DAB1: variants seen among roughly 807,000 people sequenced by gnomAD.
The protein encoded by DAB1 is disabled homolog 1.
A neutral mutation model predicts 64.6 loss-of-function variants in DAB1; 15 were observed. The observed-to-expected ratio is 0.23, with a 90% confidence interval of 0.16 to 0.36. DAB1 has a LOEUF of 0.36. DAB1 is among the 10% of genes least tolerant of loss of function. The pLI is 1.00. For synonymous variants in DAB1, 235 were observed against 251.9 expected (o/e 0.93, Z 0.64); for missense variants, 596 against 706.7 (o/e 0.84, Z 1.78).
chr1:58,370,137 C>A (rs1163246534), intron 3 of DAB1, among the ~76,000 whole-genome samples: 1 of 152,056 alleles, frequency 6.6e-6, no homozygotes, highest in African/African-American at 2.4e-5. Flanking sequence ...AAAGCAAAAA[C>A]TAGGAGCACT....
intron 5 of DAB1, among the ~76,000 whole-genome samples, chr1:58,149,746 T>C (rs1275868523): frequency 1.3e-5 from 2 of 152,180 alleles, no homozygotes; most frequent in African/African-American, 4.8e-5. Context: ...CACAAAGCCT[T>C]CTTCTCTGCT....
intron 1 of DAB1, among the ~76,000 whole-genome samples, chr1:57,402,453 T>C (rs1414731325): frequency 2.0e-5 from 3 of 152,180 alleles, no homozygotes; most frequent in African/African-American, 7.2e-5. Context: ...GTGAGTCCTT[T>C]TTTGTAATTA....
At chr1:57,998,281 A>C (rs951772252) in intron 5 of DAB1, among the ~76,000 whole-genome samples, 1 of 152,162 alleles carries the variant, frequency 6.6e-6, no homozygotes, top group Non-Finnish European at 1.5e-5. Context: ...CAGCTCCCTC[A>C]GCTGTAAGCT....
chr1:57,904,694 G>A (rs995900972), intron 5 of DAB1, among the ~76,000 whole-genome samples: 7 of 152,146 alleles, frequency 4.6e-5, no homozygotes, highest in Non-Finnish European at 1.0e-4. Context: ...GCCAGGCAGA[G>A]GGAAGAACAA....
chr1:57,064,393 T>C (rs1460815785), intron 8 of DAB1, among the ~76,000 whole-genome samples: 1 of 152,206 alleles, frequency 6.6e-6, no homozygotes, highest in Non-Finnish European at 1.5e-5. Context: ...TGAGCTAACA[T>C]GGACTGGGTG....
rs562299306 is a variant in DAB1 at position 58,035,202 on chromosome 1, C to T, written n.387+115309G>A. On this transcript the variant is annotated intron_variant and non_coding_transcript_variant, in intron 5 of 20. Coordinates refer to the DAB1 transcript ENST00000485760. ...GCCAACACCTAGTAGTTCCTGCCAC[C>T]CCAGCTGCAGCACCAGCCAAGTGAA... Among the ~76,000 whole-genome samples the T allele has an allele frequency of 2.9e-4, 44 of 152,264 alleles. 1 individual carries two copies. In the East Asian group the frequency reaches 7.9e-3, roughly 27 times the overall value.
chr1:57,262,177 A>T (rs1670230826), intron 2 of DAB1, among the ~76,000 whole-genome samples: 1 of 152,166 alleles, frequency 6.6e-6, no homozygotes, highest in Non-Finnish European at 1.5e-5. Flanking sequence ...AATACCACGA[A>T]CCACTCTCGT....
chr1:58,085,956 C>G (rs897426810), intron 5 of DAB1, among the ~76,000 whole-genome samples: 2 of 121,042 alleles, frequency 1.7e-5, no homozygotes, highest in South Asian at 6.8e-4. Flanking sequence ...TGATCTCTCT[C>G]TCTTTTTTTT....
At chr1:58,225,417 A>T (rs935608912) in intron 4 of DAB1, among the ~76,000 whole-genome samples, 1 of 151,914 alleles carries the variant, frequency 6.6e-6, no homozygotes, top group African/African-American at 2.4e-5. Context: ...TTCCTCAGGG[A>T]TCTAGAACTA....
In DAB1 at chr1:58,126,588, T is replaced by C. The variant is rs565149363; in HGVS notation, n.387+23923A>G. Reference sequence around the variant, plus strand: ...GTCATCTAGCATTAGGTATATCTCCTGATGCTATCCCTCCCCCCCTACCCC... The same window carrying C: ...GTCATCTAGCATTAGGTATATCTCCCGATGCTATCCCTCCCCCCCTACCCC... On this transcript the variant is annotated intron_variant and non_coding_transcript_variant, in intron 5 of 20. Coordinates refer to the DAB1 transcript ENST00000485760. Among the ~76,000 whole-genome samples, 116 of 151,716 alleles carry C rather than the reference T, an allele frequency of 7.6e-4. 1 individual carries two copies. In the Middle Eastern group the frequency reaches 0.01, roughly 13 times the overall value.
intron 9 of DAB1, among the ~76,000 whole-genome samples, chr1:57,038,742 C>A (rs1647326688): frequency 6.6e-6 from 1 of 152,160 alleles, no homozygotes; most frequent in Non-Finnish European, 1.5e-5. Flanking sequence ...TCCACAAATC[C>A]TTGGACAACA....
At position 57,057,425 on chromosome 1, in the gene DAB1, A is replaced by G. The variant is rs190634050; in HGVS notation, c.723+5459T>C. Reference sequence around the variant, plus strand: ...TTGAGAAATGGACTATGTAACTACCATCTCTAATTGCATATTATCTGAGAC... The same window carrying G: ...TTGAGAAATGGACTATGTAACTACCGTCTCTAATTGCATATTATCTGAGAC... On this transcript the variant is annotated intron_variant, in intron 9 of 14. Transcript: ENST00000371236. Among the ~76,000 whole-genome samples, 131 of 152,250 alleles carry G rather than the reference A, an allele frequency of 8.6e-4. 1 individual carries two copies. The highest frequency in any genetic ancestry group is 2.4e-3 in the African/African-American group (100 of 41,542).
At chr1:57,649,571 C>G (rs1328607104) in intron 7 of DAB1, 3 of 152,144 alleles carry the variant, frequency 2.0e-5, no homozygotes, top group African/African-American at 7.2e-5. Context: ...CAACGATACC[C>G]AGCCAGACTC....
At chr1:57,917,044 G>A (rs1400436997) in intron 5 of DAB1, among the ~76,000 whole-genome samples, 1 of 152,170 alleles carries the variant, frequency 6.6e-6, no homozygotes, top group Non-Finnish European at 1.5e-5. Context: ...CAGTTCCCAT[G>A]TGAACATTTC....
At chr1:57,049,944 G>C (rs982821779) in intron 9 of DAB1, among the ~76,000 whole-genome samples, 9 of 152,238 alleles carry the variant, frequency 5.9e-5, no homozygotes, top group African/African-American at 1.9e-4. Flanking sequence ...TCTCCTGCAG[G>C]GGTTTAGCTT....
intron 1 of DAB1, among the ~76,000 whole-genome samples, chr1:58,541,879 T>C (rs1646627278): frequency 6.6e-6 from 1 of 152,150 alleles, no homozygotes; most frequent in Non-Finnish European, 1.5e-5. Context: ...CAGCAATCAT[T>C]GTATCTCAGT....
intron 4 of DAB1, among the ~76,000 whole-genome samples, chr1:58,161,823 T>C (rs549914793): frequency 6.6e-6 from 1 of 152,250 alleles, no homozygotes; most frequent in Admixed American, 6.5e-5. Flanking sequence ...AAGAGCCTGG[T>C]TCAAGACTAT....
chr1:57,243,178 A>G (rs895553500), intron 2 of DAB1, among the ~76,000 whole-genome samples: 13 of 152,208 alleles, frequency 8.5e-5, no homozygotes, highest in African/African-American at 3.1e-4. Context: ...TTGATCAGCC[A>G]TGATGGATCA....
At chr1:58,164,209 A>G (rs1655696138) in intron 4 of DAB1, among the ~76,000 whole-genome samples, 1 of 151,140 alleles carries the variant, frequency 6.6e-6, no homozygotes, top group African/African-American at 2.4e-5. Context: ...AAAAAAAAAA[A>G]AGATGAGTGA....
Sources: allele counts gnomAD v4.1 joint callset (sites outside exome capture counted in the v4.1 genomes callset), GRCh38; gene constraint gnomAD v4.1.1; transcripts MANE v1.5; gene names NCBI Gene and HGNC (gene_info 2026-07-23, HGNC 2026-07-21).